The following PSD3 variants were observed in gnomAD, a reference collection of about 807,000 sequenced individuals.
PSD3 encodes the protein PH and SEC7 domain-containing protein 3.
Under a neutral mutation model 105.5 loss-of-function variants are expected in PSD3, and 49 were observed. The observed-to-expected ratio is 0.46, with a 90% CI of 0.37 to 0.59. The LOEUF is 0.59. PSD3 is among the 20% of genes least tolerant of loss of function. PSD3 has a pLI of 0.00. For synonymous variants in PSD3, 557 were observed against 457.8 expected, an observed-to-expected ratio of 1.22 and a Z score of -2.77; for missense variants, 1,561 against 1,263.8, an observed-to-expected ratio of 1.24 and a Z score of -3.57.
At chr8:18,602,161 A>G (rs1475911736) in intron 11 of PSD3, among the ~76,000 whole-genome samples, 1 of 152,098 alleles carries the variant, frequency 6.6e-6, no homozygotes, top group Non-Finnish European at 1.5e-5. Context: ...GAGCCCTAAA[A>G]CTAATTTATT....
chr8:18,722,564 T>C, intron 9 of PSD3, among the ~76,000 whole-genome samples: 1 of 152,234 alleles, frequency 6.6e-6, no homozygotes, highest in East Asian at 1.9e-4. Context: ...CTCCATTTCC[T>C]CCCCCTTCAT....
intron 1 of PSD3, among the ~76,000 whole-genome samples, chr8:18,954,540 T>C (rs1209642392): frequency 6.6e-6 from 1 of 152,040 alleles, no homozygotes; most frequent in Admixed American, 6.6e-5. Flanking sequence ...CAACCATCCA[T>C]CCATCCATCC....
At chr8:18,554,831 G>A (rs972898948) in intron 15 of PSD3, among the ~76,000 whole-genome samples, 2 of 152,066 alleles carry the variant, frequency 1.3e-5, no homozygotes, top group African/African-American at 4.8e-5. Context: ...TTCATAGGAG[G>A]AATTTGGGCT....
In PSD3 at chr8:18,868,001, T is replaced by A. The variant is rs1817075010; in HGVS notation, c.1307A>T (p.Asp436Val). The change falls in exon 4 of 16, where the codon GAC (aspartate) becomes GTC (valine). Residue 436 changes from aspartate (D) to valine (V), a missense_variant. Transcript: ENST00000327040. The stretch of plus-strand genomic sequence containing the variant: ...CTGGGAGCTGTACACGTCGGTGGAG[T>A]CCTCCGTATATCCAGGCCCAAGGAT... ...EDILGPGYTE[D>V]STDVYSSQFE... 1.9e-6 allele frequency: 3 copies of A among 1,613,832 alleles called. No individual in the cohort carries two copies. The highest frequency in any genetic ancestry group is 2.5e-6 in the Non-Finnish European group (3 of 1,179,846).
At chr8:18,560,284 G>C (rs1801321958) in intron 14 of PSD3, among the ~76,000 whole-genome samples, 1 of 151,956 alleles carries the variant, frequency 6.6e-6, no homozygotes, top group Non-Finnish European at 1.5e-5. Context: ...TGCAGCCATG[G>C]AGATGTCACA....
chr8:18,673,894 C>T (rs966031176), intron 9 of PSD3, among the ~76,000 whole-genome samples: 18 of 152,144 alleles, frequency 1.2e-4, no homozygotes, highest in Middle Eastern at 3.4e-3. Flanking sequence ...GTAATCCCAA[C>T]GATTTGGGAG....
At chr8:18,861,553 C>A (rs1816452680) in intron 4 of PSD3, among the ~76,000 whole-genome samples, 1 of 152,154 alleles carries the variant, frequency 6.6e-6, no homozygotes, top group Non-Finnish European at 1.5e-5. Flanking sequence ...TCCTACCAAC[C>A]TGCTGCTTCC....
At chr8:19,041,670 A>T (rs1828128503) in intron 1 of PSD3, among the ~76,000 whole-genome samples, 2 of 152,228 alleles carry the variant, frequency 1.3e-5, no homozygotes, top group African/African-American at 4.8e-5. Context: ...TATCAGGTAA[A>T]CACATTGGAC....
intron 4 of PSD3, among the ~76,000 whole-genome samples, chr8:18,859,029 G>T (rs1380626907): frequency 6.6e-6 from 1 of 152,094 alleles, no homozygotes; most frequent in African/African-American, 2.4e-5. Context: ...ACTATCTATA[G>T]TGACTACAGC....
At chr8:18,896,025 C>T in intron 2 of PSD3, among the ~76,000 whole-genome samples, 1 of 152,176 alleles carries the variant, frequency 6.6e-6, no homozygotes, top group Non-Finnish European at 1.5e-5. Context: ...TCTATGAGAT[C>T]AACTTTTTTA....
intron 1 of PSD3, among the ~76,000 whole-genome samples, chr8:18,999,219 T>C (rs919147): frequency 0.7 from 106,271 of 151,806 alleles, 38,046 homozygotes; most frequent in East Asian, 0.9. Flanking sequence ...TCTGAAGTTA[T>C]GTATACAGCA....
At chr8:18,929,258 A>G (rs1821582690) in intron 2 of PSD3, among the ~76,000 whole-genome samples, 1 of 152,304 alleles carries the variant, frequency 6.6e-6, no homozygotes, top group Admixed American at 6.5e-5. Flanking sequence ...GTGCTAAAAA[A>G]AAAAAGAGTA....
rs1381986601 is a variant in PSD3, at chr8:18,535,094, T to A, written c.*649A>T. 1 of 152,704 alleles carries A rather than the reference T, an allele frequency of 6.5e-6. No individual in the cohort carries two copies. Among genetic ancestry groups the A allele is most frequent in the East Asian group, 1.9e-4 (1 of 5,196 alleles). 9.5% of individuals were successfully genotyped at this position (152,704 alleles called of 1,614,324 possible). A position where few individuals can be genotyped will look rare whatever the true frequency, so the allele number is the denominator to read the frequency against. On this transcript the variant is annotated 3_prime_UTR_variant, in exon 16 of 16. Coordinates refer to ENST00000327040, the MANE Select transcript of PSD3 (RefSeq NM_015310.4). The stretch of plus-strand genomic sequence containing the variant: ...GCTTGGCTGAAATGGAATCAGCACT[T>A]CAAGCAAGCTAATGTGCTTCCCTAA...
At chr8:18,728,560 GTGTT>G (rs1467231992) in intron 9 of PSD3, among the ~76,000 whole-genome samples, 1 of 152,154 alleles carries the variant, frequency 6.6e-6, no homozygotes, top group Non-Finnish European at 1.5e-5. Context: ...TTTAGGAAAA[GTGTT>G]TGGGAATTGA....
At chr8:18,771,989 T>C (rs776292027) in intron 8 of PSD3, among the ~76,000 whole-genome samples, 8 of 152,242 alleles carry the variant, frequency 5.3e-5, no homozygotes, top group Non-Finnish European at 7.3e-5. Flanking sequence ...ATTTTTTCTT[T>C]TTGTGACTGG....
At chr8:18,726,589 G>T (rs186080148) in intron 9 of PSD3, among the ~76,000 whole-genome samples, 6 of 152,242 alleles carry the variant, frequency 3.9e-5, no homozygotes, top group Admixed American at 2.6e-4. Flanking sequence ...CATGCTCATG[G>T]CGAAAGATTT....
At chr8:18,744,177 T>C (rs1804803644) in intron 9 of PSD3, among the ~76,000 whole-genome samples, 1 of 152,244 alleles carries the variant, frequency 6.6e-6, no homozygotes, top group African/African-American at 2.4e-5. Flanking sequence ...TTATGAAGTA[T>C]TTTTTATGTG....
At chr8:18,676,602 G>A (rs930037062) in intron 9 of PSD3, among the ~76,000 whole-genome samples, 11 of 152,136 alleles carry the variant, frequency 7.2e-5, no homozygotes, top group African/African-American at 2.7e-4. Context: ...CCGAACAATT[G>A]ATTTACAGCC....
chr8:18,605,589 G>C (rs529622829), intron 11 of PSD3, among the ~76,000 whole-genome samples: 31 of 152,264 alleles, frequency 2.0e-4, no homozygotes, highest in Non-Finnish European at 3.8e-4. Context: ...AGGCATGATT[G>C]TATTTTGCCA....
Sources: allele counts gnomAD v4.1 joint callset (sites outside exome capture counted in the v4.1 genomes callset), GRCh38; gene constraint gnomAD v4.1.1; transcripts MANE v1.5; gene names NCBI Gene and HGNC (gene_info 2026-07-23, HGNC 2026-07-21).